Variants in PIP4P1 observed in about 807,000 individuals in gnomAD.
The protein encoded by PIP4P1 is type 1 phosphatidylinositol 4,5-bisphosphate 4-phosphatase.
A neutral mutation model predicts 32.3 loss-of-function variants in PIP4P1; 14 were observed. The observed-to-expected ratio is 0.43, with a 90% CI of 0.29 to 0.68. The LOEUF is 0.68. PIP4P1 is among the 30% of genes least tolerant of loss of function. The pLI is 0.15. For missense variants in PIP4P1, 289 were observed against 364.5 expected, an observed-to-expected ratio of 0.79 and a Z score of 1.69; for synonymous variants, 132 against 137.9, an observed-to-expected ratio of 0.96 and a Z score of 0.30.
Position 20,457,972 on chromosome 14 carries a change from C to A in PIP4P1, c.*587G>T. On this transcript the variant is annotated 3_prime_UTR_variant, in exon 7 of 7. Coordinates refer to ENST00000250489, the MANE Select transcript of PIP4P1 (RefSeq NM_144568.4). The stretch of plus-strand genomic sequence containing the variant: ...CTGCAACTGGGGGGGTAAAAAAGGT[C>A]GGGAGGAGGAATTAAGGGAAATACA... The A allele has an allele frequency of 3.3e-6, 1 of 307,274 alleles. No individual in the cohort carries two copies. Among genetic ancestry groups the A allele is most frequent in the Non-Finnish European group, 6.3e-6 (1 of 159,430 alleles). The allele number at this position is 307,274 out of a possible 1,614,324, so 19.0% of individuals were successfully genotyped here.
At chr14:20,459,099 C>T (rs1365954890) in intron 6 of PIP4P1, 107 bp downstream of exon 6, 2 of 1,199,836 alleles carry the variant, frequency 1.7e-6, no homozygotes, top group Middle Eastern at 2.9e-4. Context: ...ACAAAACAAA[C>T]TAGTCCCCCA....
chr14:20,460,423 C>T, intron 2 of PIP4P1, 125 bp from the exon 3 acceptor site: 1 of 809,418 alleles, frequency 1.2e-6, no homozygotes, highest in Non-Finnish European at 2.0e-6. Flanking sequence ...AAAAGAAAGA[C>T]TATATCATGA....
chr14:20,459,180 A>G (rs1881596625), intron 6 of PIP4P1, 26 bp downstream of exon 6: 1 of 1,612,508 alleles, frequency 6.2e-7, no homozygotes. Flanking sequence ...CTGCAGAATG[A>G]AAGAGGTTGG....
chr14:20,457,820 C>T lies in PIP4P1; in HGVS notation c.*739G>A. On this transcript the variant is annotated 3_prime_UTR_variant, in exon 7 of 7. Coordinates refer to ENST00000250489, the MANE Select transcript of PIP4P1 (RefSeq NM_144568.4). ...TCGTGGGGCTACACATTCTCTTCCTCATATTTTCATGCACACAAGTTAACA... is the reference window on the plus strand; with the variant it reads ...TCGTGGGGCTACACATTCTCTTCCTTATATTTTCATGCACACAAGTTAACA... The T allele has an allele frequency of 4.7e-6, 2 of 421,290 alleles. No individual in the cohort carries two copies. The highest frequency in any genetic ancestry group is 8.8e-6 in the Non-Finnish European group (2 of 226,782). 26.1% of individuals were successfully genotyped at this position (421,290 alleles called of 1,614,324 possible). A position where few individuals can be genotyped will look rare whatever the true frequency, so the allele number is the denominator to read the frequency against.
rs763086149 is a variant in PIP4P1, at chr14:20,459,753, T to C, written c.441-20A>G. ...CTTTTGCTATACAAAAGAAAAAGAC[T>C]TGTATTTTCAAACTTGTGTTTGAAA... On this transcript the variant is annotated intron_variant, in intron 3 of 6. Transcript: ENST00000250489. 1 of 1,601,746 alleles carries C rather than the reference T, an allele frequency of 6.2e-7. No homozygotes were observed. Among genetic ancestry groups the C allele is most frequent in the South Asian group, 1.1e-5 (1 of 89,464 alleles).
At chr14:20,459,594 C>T (rs746871644) in intron 4 of PIP4P1, 34 bp downstream of exon 4, 1 of 1,594,714 alleles carries the variant, frequency 6.3e-7, no homozygotes, top group Admixed American at 1.7e-5. Flanking sequence ...TCTTAGTCTC[C>T]TTTCCCCTCC....
At chr14:20,458,781 C>T (rs1158570794) in intron 6 of PIP4P1, 79 bp from the exon 7 acceptor site, 2 of 1,521,972 alleles carry the variant, frequency 1.3e-6, no homozygotes, top group Admixed American at 4.1e-5. Context: ...GTTCTAAGAA[C>T]AGTAATAACT....
Position 20,460,734 on chromosome 14 carries a change from C to T in PIP4P1, c.254G>A (p.Arg85Gln). 2 of 1,613,840 alleles carry T rather than the reference C, an allele frequency of 1.2e-6. No homozygotes were observed. The highest frequency in any genetic ancestry group is 2.2e-5 in the East Asian group (1 of 44,860). ...CACGTTGATGAGAGATTGGCAGACT[C>T]GGCAGGTGATCATAGGGGCACTCCC... ...DSGSAPMITCRVCQSLINVEG... is the reference protein window; with the variant it reads ...DSGSAPMITCQVCQSLINVEG... The change falls in exon 2 of 7, where the codon CGA (arginine) becomes CAA (glutamine). Residue 85 changes from arginine to glutamine, a missense_variant. Transcript: ENST00000250489.
At chr14:20,458,792 C>G in intron 6 of PIP4P1, 90 bp from the exon 7 acceptor site, 1 of 1,490,376 alleles carries the variant, frequency 6.7e-7, no homozygotes, top group South Asian at 1.3e-5. Context: ...AGTAATAACT[C>G]ACGCTTCAGT....
chr14:20,461,188 T>C lies in PIP4P1; in HGVS notation c.138A>G (p.Gly46=). 1 of 1,259,566 alleles carries C rather than the reference T, an allele frequency of 7.9e-7. No homozygotes were observed. The highest frequency in any genetic ancestry group is 1.6e-5 in the African/African-American group (1 of 64,322). The allele number at this position is 1,259,566 out of a possible 1,614,324, so 78.0% of individuals were successfully genotyped here. A position where few individuals can be genotyped will look rare whatever the true frequency, so the allele number is the denominator to read the frequency against. The change falls in exon 1 of 7, where the codon GGA becomes GGG. Residue 46 remains glycine, a synonymous_variant. Coordinates refer to ENST00000250489, the MANE Select transcript of PIP4P1 (RefSeq NM_144568.4). The part of the protein sequence containing the change: ...GGLTPSAPPY[G]AAFPPFPEGH... ...CCTGGGGCGGGGCATGTTTACCGGCTCCGTACGGTGGTGCGGAGGGGGTCA... is the reference window on the plus strand; with the variant it reads ...CCTGGGGCGGGGCATGTTTACCGGCCCCGTACGGTGGTGCGGAGGGGGTCA...
Position 20,458,048 on chromosome 14 carries a change from T to A in PIP4P1, c.*511A>T. Reference sequence around the variant, plus strand: ...AAATAGTTATATACACATCAGTTCCTGTGGTTCTGTACAGAGCAGCGGCTG... The same window carrying A: ...AAATAGTTATATACACATCAGTTCCAGTGGTTCTGTACAGAGCAGCGGCTG... On this transcript the variant is annotated 3_prime_UTR_variant, in exon 7 of 7. Transcript: ENST00000250489. 3.0e-6 allele frequency: 1 copy of A among 336,150 alleles called. No homozygotes were observed. Among genetic ancestry groups the A allele is most frequent in the Non-Finnish European group, 5.8e-6 (1 of 171,160 alleles). 20.8% of individuals were successfully genotyped at this position (336,150 alleles called of 1,614,324 possible).
Position 20,460,648 on chromosome 14 carries a change from A to G in PIP4P1, c.333+7T>C. On this transcript the variant is annotated splice_region_variant and intron_variant, in intron 2 of 6. Coordinates refer to ENST00000250489, the MANE Select transcript of PIP4P1 (RefSeq NM_144568.4). Reference sequence around the variant, plus strand: ...CAGGGCCCATTTCATAGATATGTGTAACTCACGGTGGCTTCATTGCAGACA... The same window carrying G: ...CAGGGCCCATTTCATAGATATGTGTGACTCACGGTGGCTTCATTGCAGACA... The G allele has an allele frequency of 6.2e-7, 1 of 1,612,876 alleles. No homozygotes were observed. Among genetic ancestry groups the G allele is most frequent in the Non-Finnish European group, 8.5e-7 (1 of 1,179,774 alleles).
chr14:20,458,234 T>C lies in PIP4P1; in HGVS notation c.*325A>G. On this transcript the variant is annotated 3_prime_UTR_variant, in exon 7 of 7. Transcript: ENST00000250489. ...CACCCCCACCCTGCCCTGGAATGTG[T>C]AAGGGACAGGAATGGCTCTCAGGGA... 2.0e-6 allele frequency: 1 copy of C among 490,702 alleles called. No homozygotes were observed. Among genetic ancestry groups the C allele is most frequent in the South Asian group, 1.6e-5 (1 of 64,298 alleles). The allele number at this position is 490,702 out of a possible 1,614,324, so 30.4% of individuals were successfully genotyped here. A position where few individuals can be genotyped will look rare whatever the true frequency, so the allele number is the denominator to read the frequency against.
At chr14:20,459,137 C>G in intron 6 of PIP4P1, 69 bp downstream of exon 6, 1 of 1,510,878 alleles carries the variant, frequency 6.6e-7, no homozygotes, top group Non-Finnish European at 9.1e-7. Context: ...TTTAGGGTAG[C>G]AGTTTCCCAA....
intron 3 of PIP4P1, 126 bp from the exon 4 acceptor site, chr14:20,459,859 A>C: frequency 1.4e-6 from 1 of 697,092 alleles, no homozygotes. Flanking sequence ...ACTTCTCTGT[A>C]CTTAAGATAC....
At position 20,458,010 on chromosome 14, in the gene PIP4P1, C is replaced by T. The variant is rs1291088190; in HGVS notation, c.*549G>A. On this transcript the variant is annotated 3_prime_UTR_variant, in exon 7 of 7. Transcript: ENST00000250489. The stretch of plus-strand genomic sequence containing the variant: ...TAAGGGAAATACAGGAATAGGGGAA[C>T]ATATCCCACATTAAATAGTTATATA... The T allele has an allele frequency of 3.2e-6, 1 of 313,112 alleles. No homozygotes were observed. The allele number at this position is 313,112 out of a possible 1,614,324, so 19.4% of individuals were successfully genotyped here. A position where few individuals can be genotyped will look rare whatever the true frequency, so the allele number is the denominator to read the frequency against.
chr14:20,460,315 T>G lies in PIP4P1; in HGVS notation c.334-17A>C, dbSNP rs373823373. 1 of 1,586,264 alleles carries G rather than the reference T, an allele frequency of 6.3e-7. No homozygotes were observed. The highest frequency in any genetic ancestry group is 8.6e-7 in the Non-Finnish European group (1 of 1,156,326). On this transcript the variant is annotated splice_polypyrimidine_tract_variant and intron_variant, in intron 2 of 6. Coordinates refer to ENST00000250489, the MANE Select transcript of PIP4P1 (RefSeq NM_144568.4). The stretch of plus-strand genomic sequence containing the variant: ...CTTGATTGGCTAGAGAATAATAGGG[T>G]CATCAGCAAGCAAACCTCTAATCCC...
In PIP4P1 at chr14:20,461,409, A is replaced by C; in HGVS notation, c.-84T>G. The C allele has an allele frequency of 8.3e-7, 1 of 1,210,966 alleles. No individual in the cohort carries two copies. The highest frequency in any genetic ancestry group is 4.1e-5 in the South Asian group (1 of 24,620). The allele number at this position is 1,210,966 out of a possible 1,614,324, so 75.0% of individuals were successfully genotyped here. A position where few individuals can be genotyped will look rare whatever the true frequency, so the allele number is the denominator to read the frequency against. On this transcript the variant is annotated 5_prime_UTR_variant, in exon 1 of 7. Coordinates refer to ENST00000250489, the MANE Select transcript of PIP4P1 (RefSeq NM_144568.4). The stretch of plus-strand genomic sequence containing the variant: ...CGCCGCAGCCACCGCCACCGCCGCC[A>C]CCGCCACCGCCGCTACCGGGTCCCC...
chr14:20,460,944 G>T (rs998890627), intron 1 of PIP4P1, 99 bp from the exon 2 acceptor site: 7 of 1,364,628 alleles, frequency 5.1e-6, no homozygotes, highest in Non-Finnish European at 6.8e-6. Context: ...CTCTGACCAA[G>T]CTCGGAGGGC....
Sources: allele counts gnomAD v4.1 joint callset, GRCh38; gene constraint gnomAD v4.1.1; transcripts MANE v1.5; gene names NCBI Gene and HGNC (gene_info 2026-07-23, HGNC 2026-07-21).